The following CNTNAP5 variants were observed in gnomAD, a reference collection of about 807,000 sequenced individuals.
CNTNAP5 encodes the protein contactin-associated protein-like 5.
In CNTNAP5, 72 loss-of-function variants were observed where a neutral mutation model predicts 150.2. That is an observed-to-expected ratio of 0.48 (90% CI 0.40 to 0.58). CNTNAP5 has a LOEUF of 0.58. CNTNAP5 is among the 20% of genes least tolerant of loss of function. CNTNAP5 has a pLI of 0.00. For synonymous variants in CNTNAP5, 672 were observed against 619.8 expected, an observed-to-expected ratio of 1.08 and a Z score of -1.25; for missense variants, 1,636 against 1,626.2, an observed-to-expected ratio of 1.01 and a Z score of -0.10.
At chr2:124,357,885 A>G (rs952890393) in intron 3 of CNTNAP5, among the ~76,000 whole-genome samples, 3 of 150,832 alleles carry the variant, frequency 2.0e-5, no homozygotes, top group Non-Finnish European at 3.0e-5. Flanking sequence ...TGAATCTGTA[A>G]ATTACCTTGG....
intron 3 of CNTNAP5, among the ~76,000 whole-genome samples, chr2:124,385,321 T>C (rs980050115): frequency 6.6e-6 from 1 of 152,190 alleles, no homozygotes; most frequent in Non-Finnish European, 1.5e-5. Context: ...TTATTCACTG[T>C]GCCATCCACC....
intron 2 of CNTNAP5, among the ~76,000 whole-genome samples, chr2:124,223,154 A>G (rs1686368707): frequency 1.3e-5 from 2 of 152,140 alleles, no homozygotes; most frequent in African/African-American, 4.8e-5. Context: ...CCCAAGACAG[A>G]AAAACTAGTC....
intron 1 of CNTNAP5, among the ~76,000 whole-genome samples, chr2:124,109,224 C>A (rs187044157): frequency 6.6e-6 from 1 of 152,164 alleles, no homozygotes; most frequent in Non-Finnish European, 1.5e-5. Context: ...AAGGGGCACA[C>A]ACTGAGGCCT....
At chr2:124,062,820 T>G (rs896365880) in intron 1 of CNTNAP5, among the ~76,000 whole-genome samples, 14 of 152,072 alleles carry the variant, frequency 9.2e-5, no homozygotes, top group East Asian at 3.9e-4. Flanking sequence ...TGGTGTGGTT[T>G]GTTTGTTTGT....
chr2:124,149,359 A>G (rs748380931), intron 1 of CNTNAP5, among the ~76,000 whole-genome samples: 92 of 144,830 alleles, frequency 6.4e-4, no homozygotes, highest in Middle Eastern at 3.6e-3. Flanking sequence ...AGGAAGGAAC[A>G]TGCATTTGCT....
intron 21 of CNTNAP5, among the ~76,000 whole-genome samples, chr2:124,873,183 A>G (rs1677787923): frequency 6.6e-6 from 1 of 152,108 alleles, no homozygotes; most frequent in Non-Finnish European, 1.5e-5. Flanking sequence ...GGCATGTCAC[A>G]TGGTCAGAGC....
intron 6 of CNTNAP5, among the ~76,000 whole-genome samples, chr2:124,472,469 G>A (rs943801013): frequency 2.6e-5 from 4 of 151,488 alleles, no homozygotes; most frequent in Non-Finnish European, 5.9e-5. Flanking sequence ...AAAAATTTTG[G>A]CTAGGAGTTA....
At chr2:124,569,578 T>A (rs746259850) in intron 11 of CNTNAP5, among the ~76,000 whole-genome samples, 1 of 152,248 alleles carries the variant, frequency 6.6e-6, no homozygotes, top group Non-Finnish European at 1.5e-5. Flanking sequence ...ATACAAGCAC[T>A]TGTCCTTGAT....
At chr2:124,747,791 T>A (rs1335947279) in intron 14 of CNTNAP5, among the ~76,000 whole-genome samples, 5 of 123,176 alleles carry the variant, frequency 4.1e-5, no homozygotes, top group African/African-American at 1.3e-4. Flanking sequence ...AACTCTTCTT[T>A]TTTTTTTTTT....
chr2:124,702,764 T>G lies in CNTNAP5; in HGVS notation c.2078-44465T>G, dbSNP rs927597033. ...TAGCTATTAAAAAGATACAACTGAA[T>G]TTAAGATGATTGTCAACAGAGTGGG... On this transcript the variant is annotated intron_variant, in intron 13 of 23. Transcript: ENST00000682447. Among the ~76,000 whole-genome samples the G allele has an allele frequency of 2.6e-5, 4 of 152,066 alleles. No individual in the cohort carries two copies. In the East Asian group the frequency reaches 7.7e-4, roughly 29 times the overall value.
chr2:124,795,768 C>T (rs1252153888), intron 18 of CNTNAP5, among the ~76,000 whole-genome samples: 4 of 152,240 alleles, frequency 2.6e-5, no homozygotes, highest in East Asian at 1.9e-4. Flanking sequence ...CCACCTACCT[C>T]GGCCTCCCAA....
At chr2:124,358,774 T>C (rs1431308367) in intron 3 of CNTNAP5, among the ~76,000 whole-genome samples, 1 of 151,948 alleles carries the variant, frequency 6.6e-6, no homozygotes, top group Non-Finnish European at 1.5e-5. Flanking sequence ...TCTTTTTTGG[T>C]TGTGTCTCTG....
chr2:124,438,354 A>G (rs924616393), intron 5 of CNTNAP5, among the ~76,000 whole-genome samples: 1 of 152,192 alleles, frequency 6.6e-6, no homozygotes, highest in Non-Finnish European at 1.5e-5. Flanking sequence ...GAACCCATTC[A>G]TGCAGGTAGA....
At chr2:124,849,621 G>C (rs1683115626) in intron 19 of CNTNAP5, among the ~76,000 whole-genome samples, 1 of 152,142 alleles carries the variant, frequency 6.6e-6, no homozygotes, top group South Asian at 2.1e-4. Flanking sequence ...GCTCATTTGG[G>C]GGTGGTATGG....
At chr2:124,806,950 T>C (rs902957062) in intron 19 of CNTNAP5, among the ~76,000 whole-genome samples, 4 of 145,894 alleles carry the variant, frequency 2.7e-5, no homozygotes, top group East Asian at 2.0e-4. Context: ...ATAAAGAAAA[T>C]GGGAGATTGA....
intron 1 of CNTNAP5, among the ~76,000 whole-genome samples, chr2:124,156,117 A>T (rs1684522160): frequency 6.6e-6 from 1 of 152,236 alleles, no homozygotes; most frequent in African/African-American, 2.4e-5. Flanking sequence ...TAGAGTTGAC[A>T]GGTAATCTTG....
intron 10 of CNTNAP5, among the ~76,000 whole-genome samples, chr2:124,555,150 A>T (rs1052454606): frequency 1.3e-5 from 2 of 152,194 alleles, no homozygotes; most frequent in Non-Finnish European, 2.9e-5. Flanking sequence ...TGAAAATTAC[A>T]ACACACAGAA....
intron 13 of CNTNAP5, among the ~76,000 whole-genome samples, chr2:124,709,233 G>C (rs572456602): frequency 1.8e-5 from 2 of 113,358 alleles, no homozygotes; most frequent in Non-Finnish European, 1.7e-5. Flanking sequence ...GTGTGTGTGC[G>C]TGTGTGTGTG....
At chr2:124,800,149 T>C (rs1014077575) in intron 19 of CNTNAP5, among the ~76,000 whole-genome samples, 4 of 152,162 alleles carry the variant, frequency 2.6e-5, no homozygotes, top group Non-Finnish European at 4.4e-5. Flanking sequence ...GGTTTCCCAA[T>C]AGTCAGCCAG....
Sources: gnomAD v4.1 joint callset for allele counts (sites outside exome capture counted in the v4.1 genomes callset) on GRCh38, gnomAD v4.1.1 for gene constraint, MANE v1.5 for transcripts, NCBI Gene and HGNC (gene_info 2026-07-23, HGNC 2026-07-21) for gene names.